The following IGF1R variants were observed in gnomAD, a reference collection of about 807,000 sequenced individuals.
The protein encoded by IGF1R is insulin like growth factor 1 receptor.
IGF1R carries 44 observed loss-of-function variants against 144.6 expected under a neutral mutation model. That is an observed-to-expected ratio of 0.30 (90% confidence interval 0.24 to 0.39). The LOEUF (loss-of-function observed/expected upper bound fraction) is 0.39, where lower values mean the gene tolerates loss of function less well. Ranked by LOEUF, IGF1R falls within the 10% of genes least tolerant of loss-of-function variation. The probability of loss-of-function intolerance (pLI) is 1.00; values close to 1 mark genes in which losing one functional copy is unlikely to be tolerated. For synonymous variants in IGF1R, 795 were observed against 722.8 expected (o/e 1.10, Z -1.60); for missense variants, 1,355 against 1,833.7 (o/e 0.74, Z 4.77).
At chr15:98,892,214 C>G (rs1469211239) in intron 3 of IGF1R, among the ~76,000 whole-genome samples, 5 of 152,104 alleles carry the variant, frequency 3.3e-5, no homozygotes, top group Admixed American at 6.5e-5. Context: ...TCATCATGTC[C>G]TTCATTTTCC....
At chr15:98,866,228 T>TCTCCCGC (rs1418383981) in intron 2 of IGF1R, among the ~76,000 whole-genome samples, 1 of 152,156 alleles carries the variant, frequency 6.6e-6, no homozygotes, top group African/African-American at 2.4e-5. Context: ...GACGCCTCTG[T>TCTCCCGC]CTCTGTCCCC....
intron 1 of IGF1R, among the ~76,000 whole-genome samples, chr15:98,663,184 G>A (rs2052640773): frequency 6.6e-6 from 1 of 152,170 alleles, no homozygotes; most frequent in Admixed American, 6.5e-5. Flanking sequence ...CTCGGTGTGA[G>A]GGGCTGGGTT....
At chr15:98,676,343 G>T (rs187525562) in intron 1 of IGF1R, among the ~76,000 whole-genome samples, 20 of 151,958 alleles carry the variant, frequency 1.3e-4, no homozygotes, top group Non-Finnish European at 2.6e-4. Context: ...TCACTATGTT[G>T]GCCAGGCTGG....
intron 2 of IGF1R, among the ~76,000 whole-genome samples, chr15:98,826,357 C>G (rs1472355670): frequency 6.6e-6 from 1 of 152,170 alleles, no homozygotes; most frequent in Admixed American, 6.5e-5. Flanking sequence ...ACACATTGTC[C>G]ATGTTGCAAC....
chr15:98,887,321 T>G (rs1357624335), intron 2 of IGF1R, among the ~76,000 whole-genome samples: 9 of 77,048 alleles, frequency 1.2e-4, no homozygotes, highest in East Asian at 1.9e-3. Flanking sequence ...CTTTGTCAGT[T>G]TTTTTTTTTC....
At chr15:98,654,144 G>A (rs1455546914) in intron 1 of IGF1R, among the ~76,000 whole-genome samples, 1 of 152,176 alleles carries the variant, frequency 6.6e-6, no homozygotes, top group African/African-American at 2.4e-5. Flanking sequence ...TAGGACTCTA[G>A]TGTTGTTCAT....
At chr15:98,666,622 G>A (rs1186122217) in intron 1 of IGF1R, among the ~76,000 whole-genome samples, 1 of 152,216 alleles carries the variant, frequency 6.6e-6, no homozygotes, top group Non-Finnish European at 1.5e-5. Context: ...CGAAGTGAAA[G>A]AAGCCAGTCA....
chr15:98,683,000 C>G (rs2053230029), intron 1 of IGF1R, among the ~76,000 whole-genome samples: 1 of 150,856 alleles, frequency 6.6e-6, no homozygotes, highest in Non-Finnish European at 1.5e-5. Context: ...GTGACCTCCC[C>G]ATGTCACAGT....
At chr15:98,896,734 AT>A (rs368764715) in intron 3 of IGF1R, 22 bp from the exon 4 acceptor site, 378 of 1,537,788 alleles carry the variant, frequency 2.5e-4, no homozygotes, top group Admixed American at 4.3e-4. Context: ...TGTGTTTTTG[AT>A]TTTTTTTTTC....
chr15:98,662,146 AT>A (rs576623936), intron 1 of IGF1R, among the ~76,000 whole-genome samples: 85 of 142,998 alleles, frequency 5.9e-4, no homozygotes, highest in African/African-American at 1.3e-3. Flanking sequence ...CGCCTGGCTA[AT>A]TTTTTTTTTT....
rs2684791 is a variant in IGF1R, at chr15:98,946,810, G to T, written c.3588-1764G>T. On this transcript the variant is annotated intron_variant, in intron 19 of 20. Transcript: ENST00000650285. The stretch of plus-strand genomic sequence containing the variant: ...CGTGAGAACTGGCTGCCTGCAAGCC[G>T]CTGACACAGCCAGGAAGGGCACGTG... Among the ~76,000 whole-genome samples the T allele has an allele frequency of 3.3e-5, 5 of 152,178 alleles. No individual in the cohort carries two copies. In the South Asian group the frequency reaches 1.0e-3, roughly 32 times the overall value.
chr15:98,714,074 G>A (rs573110123), intron 2 of IGF1R, among the ~76,000 whole-genome samples: 23 of 152,080 alleles, frequency 1.5e-4, no homozygotes, highest in South Asian at 8.3e-4. Context: ...TGGAGCCTTC[G>A]AGAAGGCAGT....
At chr15:98,862,623 C>T (rs2012219517) in intron 2 of IGF1R, among the ~76,000 whole-genome samples, 1 of 152,128 alleles carries the variant, frequency 6.6e-6, no homozygotes, top group Admixed American at 6.5e-5. Flanking sequence ...CTTTTAGTAA[C>T]TCTGGTTCAA....
intron 2 of IGF1R, among the ~76,000 whole-genome samples, chr15:98,756,221 A>C (rs1037125458): frequency 6.7e-6 from 1 of 150,078 alleles, no homozygotes. Context: ...AGCATCTAGA[A>C]GCATTTACAT....
chr15:98,728,551 T>G (rs1457092055), intron 2 of IGF1R, among the ~76,000 whole-genome samples: 4 of 152,246 alleles, frequency 2.6e-5, no homozygotes, highest in African/African-American at 9.6e-5. Context: ...GTGCTTTGCT[T>G]GAAGAGCGGC....
intron 4 of IGF1R, among the ~76,000 whole-genome samples, chr15:98,899,180 A>T (rs974414528): frequency 6.6e-6 from 1 of 152,228 alleles, no homozygotes; most frequent in Admixed American, 6.5e-5. Flanking sequence ...CGTCAGCCTT[A>T]GCTAATTGGC....
chr15:98,915,698 G>GC (rs1350898129), intron 8 of IGF1R, among the ~76,000 whole-genome samples: 2 of 152,168 alleles, frequency 1.3e-5, no homozygotes, highest in African/African-American at 4.8e-5. Flanking sequence ...CCCTGCTTGT[G>GC]CCCCCGCAGC....
intron 2 of IGF1R, among the ~76,000 whole-genome samples, chr15:98,736,729 G>C (rs575309671): frequency 1.3e-5 from 2 of 150,280 alleles, no homozygotes; most frequent in South Asian, 2.1e-4. Context: ...CTCATGCCTC[G>C]GCCTCCTGAT....
At chr15:98,738,986 G>GAAGT (rs10660262) in intron 2 of IGF1R, among the ~76,000 whole-genome samples, 143,388 of 152,014 alleles carry the variant, frequency 0.94, 67,824 homozygotes, top group Non-Finnish European at 0.98. Flanking sequence ...GAAACAACAG[G>GAAGT]AAGAACAAAA....
Sources: allele counts gnomAD v4.1 joint callset (sites outside exome capture counted in the v4.1 genomes callset), GRCh38; gene constraint gnomAD v4.1.1; transcripts MANE v1.5; gene names NCBI Gene and HGNC (gene_info 2026-07-23, HGNC 2026-07-21).